Variants in AGAP1 observed in about 807,000 individuals in gnomAD.
The protein encoded by AGAP1 is ArfGAP with GTPase domain, ankyrin repeat and PH domain 1, also known as arf-GAP with GTPase, ANK repeat and PH domain-containing protein 1.
A neutral mutation model predicts 105.3 loss-of-function variants in AGAP1; 29 were observed. The ratio of observed to expected loss-of-function variants is 0.28; its 90% CI spans 0.21 to 0.38. The LOEUF is 0.38. Ranked by LOEUF, AGAP1 falls within the 10% of genes least tolerant of loss-of-function variation. AGAP1 has a pLI of 1.00. For synonymous variants in AGAP1, 509 were observed against 485.9 expected, an observed-to-expected ratio of 1.05 and a Z score of -0.63; for missense variants, 998 against 1,165.1, an observed-to-expected ratio of 0.86 and a Z score of 2.09.
In AGAP1 at chr2:235,843,479, C is replaced by T. The variant is rs1452581068; in HGVS notation, c.1050+36148C>T. 6.6e-6 allele frequency among the ~76,000 whole-genome samples: 1 copy of T among 152,124 alleles called. No homozygotes were observed. Among genetic ancestry groups the T allele is most frequent in the Non-Finnish European group, 1.5e-5 (1 of 68,022 alleles). ...TTCTGGGGCCAGGGAGCAATGTTACCATTTCCAGAAAAGCAGTCCAGCTCC... is the reference window on the plus strand; with the variant it reads ...TTCTGGGGCCAGGGAGCAATGTTACTATTTCCAGAAAAGCAGTCCAGCTCC... On this transcript the variant is annotated intron_variant, in intron 9 of 17. Coordinates refer to ENST00000304032, the MANE Select transcript of AGAP1 (RefSeq NM_001037131.3). The surrounding 1 kb of genome is among the most constrained non-coding windows in gnomAD (Gnocchi z 5.9).
intron 2 of AGAP1, 117 bp from the exon 3 acceptor site, chr2:235,717,440 G>T (rs1951172450): frequency 2.6e-6 from 2 of 758,742 alleles, no homozygotes; most frequent in Non-Finnish European, 4.2e-6. Flanking sequence ...TGGCCATCCA[G>T]CCAGTGCTTG....
rs13390669 is a variant in AGAP1, at chr2:235,882,988, A to G, written c.1051-357A>G. Among the ~76,000 whole-genome samples, 4,448 of 151,604 alleles carry G rather than the reference A, an allele frequency of 0.029. 203 individuals are homozygous for G. Among genetic ancestry groups the G allele is most frequent in the African/African-American group, 0.096 (3,963 of 41,318 alleles). ...CCACCGTGCCCAGCTAATTTTATTTATTTATTTATTTTTTTAGAGATGGGG... is the reference window on the plus strand; with the variant it reads ...CCACCGTGCCCAGCTAATTTTATTTGTTTATTTATTTTTTTAGAGATGGGG... On this transcript the variant is annotated intron_variant, in intron 9 of 17. Transcript: ENST00000304032. The surrounding 1 kb of genome is among the most constrained non-coding windows in gnomAD (Gnocchi z 4.6).
rs908741508 is a variant in AGAP1, at chr2:235,710,918, T to C, written c.222+1681T>C. On this transcript the variant is annotated intron_variant, in intron 2 of 17. Coordinates refer to ENST00000304032, the MANE Select transcript of AGAP1 (RefSeq NM_001037131.3). ...GTCGTGTTCTAAGTGCTTTACAAAATTACTTAATCCTGACAAGTGCCCCAT... is the reference window on the plus strand; with the variant it reads ...GTCGTGTTCTAAGTGCTTTACAAAACTACTTAATCCTGACAAGTGCCCCAT... Among the ~76,000 whole-genome samples, 3 of 152,176 alleles carry C rather than the reference T, an allele frequency of 2.0e-5. No individual in the cohort carries two copies. In the East Asian group the frequency reaches 5.8e-4, roughly 29 times the overall value.
intron 16 of AGAP1, among the ~76,000 whole-genome samples, chr2:236,099,965 G>A (rs377431007): frequency 2.6e-5 from 4 of 151,888 alleles, no homozygotes; most frequent in South Asian, 4.2e-4. Context: ...GGTTGAACCC[G>A]GGAGGCAGAG....
chr2:236,019,761 T>C (rs2056829379), intron 13 of AGAP1, among the ~76,000 whole-genome samples: 1 of 152,194 alleles, frequency 6.6e-6, no homozygotes, highest in Non-Finnish European at 1.5e-5. Flanking sequence ...CAGACAGCTG[T>C]CATCATCATC....
chr2:235,565,750 T>A (rs944433883), intron 1 of AGAP1, among the ~76,000 whole-genome samples: 3 of 152,136 alleles, frequency 2.0e-5, no homozygotes, highest in Admixed American at 6.5e-5. Context: ...AACCTCTGCC[T>A]CCCAGGCTCA....
At chr2:235,495,597 G>C (rs1167393684) in intron 1 of AGAP1, among the ~76,000 whole-genome samples, 5 of 152,238 alleles carry the variant, frequency 3.3e-5, no homozygotes, top group Non-Finnish European at 5.9e-5. Context: ...TGCTTGGGCA[G>C]AATCCCCACC....
chr2:235,568,410 G>A (rs1384235051), intron 1 of AGAP1, among the ~76,000 whole-genome samples: 3 of 152,174 alleles, frequency 2.0e-5, no homozygotes, highest in East Asian at 1.9e-4. Context: ...GTTTTTCTCC[G>A]TTTTATGGAG....
At chr2:235,671,020 G>A (rs1421346707) in intron 1 of AGAP1, 2 of 1,309,878 alleles carry the variant, frequency 1.5e-6, no homozygotes, top group South Asian at 2.3e-5. Flanking sequence ...AAGCGCACTC[G>A]TCCAGCGCCG....
chr2:235,748,619 G>A lies in AGAP1; in HGVS notation c.539-1735G>A, dbSNP rs533171730. 3.5e-3 allele frequency among the ~76,000 whole-genome samples: 526 copies of A among 152,198 alleles called. 2 individuals are homozygous for A. The highest frequency in any genetic ancestry group is 6.0e-3 in the Non-Finnish European group (405 of 68,010). ...ACTTGCCTTCCAGTAACGAGGAAAC[G>A]TCAGCCCAACCCTATTTCATAGGGC... On this transcript the variant is annotated intron_variant, in intron 5 of 17. Coordinates refer to ENST00000304032, the MANE Select transcript of AGAP1 (RefSeq NM_001037131.3).
intron 13 of AGAP1, among the ~76,000 whole-genome samples, chr2:235,996,391 G>T (rs920521073): frequency 6.6e-6 from 1 of 152,130 alleles, no homozygotes; most frequent in Non-Finnish European, 1.5e-5. Flanking sequence ...TTTAACTTAC[G>T]CTCTGACACA....
At chr2:235,822,010 G>A (rs1295627701) in intron 9 of AGAP1, among the ~76,000 whole-genome samples, 1 of 152,244 alleles carries the variant, frequency 6.6e-6, no homozygotes, top group Admixed American at 6.5e-5. Flanking sequence ...CTGTACCAGA[G>A]GCACCTGACA....
At chr2:235,991,374 G>A (rs1246278354) in intron 13 of AGAP1, among the ~76,000 whole-genome samples, 1 of 152,074 alleles carries the variant, frequency 6.6e-6, no homozygotes, top group Non-Finnish European at 1.5e-5. Context: ...TCAGAAAATT[G>A]GACAGTTTTA....
intron 9 of AGAP1, among the ~76,000 whole-genome samples, chr2:235,856,611 T>C (rs1392439029): frequency 6.6e-6 from 1 of 152,258 alleles, no homozygotes; most frequent in East Asian, 1.9e-4. Flanking sequence ...TGTCCAGTAC[T>C]GAACCAGTTC....
At chr2:236,084,152 AGTGGGGCTGGGAGGCCCCG>A (rs1327555648) in intron 16 of AGAP1, among the ~76,000 whole-genome samples, 1 of 150,088 alleles carries the variant, frequency 6.7e-6, no homozygotes, top group Non-Finnish European at 1.5e-5. Flanking sequence ...CCTGTCTTGG[AGTGGGGCTGGGAGGCCCCG>A]GTGGGGAACA....
chr2:235,688,567 C>T lies in AGAP1; in HGVS notation c.164-20612C>T, dbSNP rs143157650. 5.4e-3 allele frequency among the ~76,000 whole-genome samples: 824 copies of T among 152,298 alleles called. 11 individuals are homozygous for T. Among genetic ancestry groups the T allele is most frequent in the African/African-American group, 0.019 (792 of 41,562 alleles). Reference sequence around the variant, plus strand: ...AGCCAGATCCTGCCACATGAGACTGCAGGCCCTACTAGAATCTGTTCTATC... The same window carrying T: ...AGCCAGATCCTGCCACATGAGACTGTAGGCCCTACTAGAATCTGTTCTATC... On this transcript the variant is annotated intron_variant, in intron 1 of 17. Transcript: ENST00000304032.
intron 16 of AGAP1, among the ~76,000 whole-genome samples, chr2:236,081,157 G>A (rs777131872): frequency 5.3e-5 from 8 of 152,246 alleles, no homozygotes; most frequent in South Asian, 2.1e-4. Context: ...ACATCTCAGC[G>A]TAGGGTGCAG....
chr2:235,641,137 A>G (rs985539474), intron 1 of AGAP1, among the ~76,000 whole-genome samples: 1 of 152,210 alleles, frequency 6.6e-6, no homozygotes, highest in African/African-American at 2.4e-5. Flanking sequence ...TGTCCTGCCC[A>G]CCAGCCAATT....
In AGAP1 at chr2:236,119,677, G is replaced by C. The variant is rs574846581; in HGVS notation, c.2115-515G>C. 1.3e-5 allele frequency among the ~76,000 whole-genome samples: 2 copies of C among 150,418 alleles called. No individual in the cohort carries two copies. The highest frequency in any genetic ancestry group is 2.9e-5 in the Non-Finnish European group (2 of 67,880). On this transcript the variant is annotated intron_variant, in intron 16 of 17. Coordinates refer to ENST00000304032, the MANE Select transcript of AGAP1 (RefSeq NM_001037131.3). The surrounding 1 kb of genome is among the most constrained non-coding windows in gnomAD (Gnocchi z 6.6). ...CGGCCCCAGAGACCATGCTTCCATCGTGCGGTCCGTGCTCTCGGCCCCGGA... is the reference window on the plus strand; with the variant it reads ...CGGCCCCAGAGACCATGCTTCCATCCTGCGGTCCGTGCTCTCGGCCCCGGA...
Sources: gnomAD v4.1 joint callset for allele counts (sites outside exome capture counted in the v4.1 genomes callset) on GRCh38, gnomAD v4.1.1 for gene constraint, Gnocchi (gnomAD v3.1) non-coding constraint, MANE v1.5 for transcripts, NCBI Gene and HGNC (gene_info 2026-07-23, HGNC 2026-07-21) for gene names.